The following SYNE2 variants were observed in gnomAD, a reference collection of about 807,000 sequenced individuals.
SYNE2 encodes nesprin-2.
Under a neutral mutation model 856.3 loss-of-function variants are expected in SYNE2, and 431 were observed. That is an observed-to-expected ratio of 0.50 (90% CI 0.47 to 0.55). The LOEUF (loss-of-function observed/expected upper bound fraction) is 0.55, where lower values mean the gene tolerates loss of function less well. SYNE2 is among the 20% of genes least tolerant of loss of function. The pLI is 0.00. For missense variants in SYNE2, 8,129 were observed against 8,023.2 expected (o/e 1.01, Z -0.50); for synonymous variants, 2,923 against 2,872.3 (o/e 1.02, Z -0.56).
At chr14:64,034,272 A>G (rs986222274) in intron 45 of SYNE2, among the ~76,000 whole-genome samples, 5 of 152,194 alleles carry the variant, frequency 3.3e-5, no homozygotes, top group African/African-American at 1.2e-4. Context: ...TAAAAACACT[A>G]CTTGAGACTT....
intron 6 of SYNE2, among the ~76,000 whole-genome samples, chr14:63,948,712 ATATATGTGTG>A (rs2096078248): frequency 1.2e-5 from 1 of 84,466 alleles, no homozygotes; most frequent in Non-Finnish European, 2.7e-5. Context: ...ATATGTATAT[ATATATGTGTG>A]TATATATATG....
Position 64,167,229 on chromosome 14 carries a change from A to G in SYNE2, c.16606-4A>G. 6.2e-7 allele frequency: 1 copy of G among 1,614,160 alleles called. No individual in the cohort carries two copies. Among genetic ancestry groups the G allele is most frequent in the Non-Finnish European group, 8.5e-7 (1 of 1,180,038 alleles). ...AAACCTGTACTTCAATTTTTTAAAA[A>G]TAGAATCATGTGCTGGCACTGACAG... is the stretch of plus-strand genomic sequence containing the variant. On this transcript the variant is annotated splice_polypyrimidine_tract_variant and splice_region_variant and intron_variant, in intron 90 of 115. Coordinates refer to ENST00000555002, the MANE Select transcript of SYNE2 (RefSeq NM_182914.3).
At chr14:63,878,476 G>C (rs1479569856) in intron 1 of SYNE2, among the ~76,000 whole-genome samples, 2 of 152,210 alleles carry the variant, frequency 1.3e-5, no homozygotes, top group African/African-American at 4.8e-5. Flanking sequence ...TTGCTGACAG[G>C]CATTCTCCCT....
At chr14:64,129,347 G>T (rs1567391284) in intron 74 of SYNE2, among the ~76,000 whole-genome samples, 1 of 152,158 alleles carries the variant, frequency 6.6e-6, no homozygotes, top group Non-Finnish European at 1.5e-5. Context: ...TTTAAGGATG[G>T]ACCCAGCAGC....
At chr14:64,063,354 A>G (rs754208416) in intron 50 of SYNE2, among the ~76,000 whole-genome samples, 13 of 152,270 alleles carry the variant, frequency 8.5e-5, no homozygotes, top group Admixed American at 2.0e-4. Context: ...GGCCTTATGT[A>G]ATATATTGAA....
Position 64,044,983 on chromosome 14 carries a change from T to C in SYNE2, c.7222-3017T>C, listed in dbSNP as rs114845184. Among the ~76,000 whole-genome samples the C allele has an allele frequency of 7.9e-3, 1,208 of 152,282 alleles. 14 individuals carry two copies. Among genetic ancestry groups the C allele is most frequent in the African/African-American group, 0.027 (1,110 of 41,538 alleles). ...ATATTTTATATTTTAAAATAAAATG[T>C]TTAAAATGAATGTGCAGAGTAAAAA... On this transcript the variant is annotated intron_variant, in intron 45 of 115. Transcript: ENST00000555002.
At chr14:63,791,543 A>G (rs963182991) in intron 1 of SYNE2, among the ~76,000 whole-genome samples, 3 of 152,210 alleles carry the variant, frequency 2.0e-5, no homozygotes, top group Admixed American at 1.3e-4. Flanking sequence ...AGTATATCAT[A>G]GCAAATTTGC....
chr14:64,085,155 C>T lies in SYNE2; in HGVS notation c.11485-2516C>T, dbSNP rs2097551275. 1.0e-5 allele frequency: 6 copies of T among 584,156 alleles called. No individual in the cohort carries two copies. The South Asian group carries it at 1.1e-4, about 11-fold the overall frequency. 36.2% of individuals were successfully genotyped at this position (584,156 alleles called of 1,614,324 possible). A position where few individuals can be genotyped will look rare whatever the true frequency, so the allele number is the denominator to read the frequency against. On this transcript the variant is annotated intron_variant, in intron 57 of 115. Transcript: ENST00000555002. ...TGGCACAATGTCGGCTCACTGCAGC[C>T]TCCACCTTCTGAGTTCAAATGTTCC...
chr14:64,101,093 T>C (rs75155437), intron 63 of SYNE2, among the ~76,000 whole-genome samples: 6,023 of 152,292 alleles, frequency 0.04, 368 homozygotes, highest in African/African-American at 0.14. Context: ...TTGGTTGTTG[T>C]GAACAGTGCT....
At chr14:64,149,900 G>A (rs1480492347) in intron 84 of SYNE2, among the ~76,000 whole-genome samples, 1 of 151,746 alleles carries the variant, frequency 6.6e-6, no homozygotes, top group Non-Finnish European at 1.5e-5. Context: ...CAGATGACAG[G>A]ACTACTGGGC....
At chr14:63,945,247 C>A (rs543003280) in intron 6 of SYNE2, among the ~76,000 whole-genome samples, 1 of 151,848 alleles carries the variant, frequency 6.6e-6, no homozygotes, top group African/African-American at 2.4e-5. Context: ...CATATAATCA[C>A]CCTGCCAGAT....
rs568820093 is a variant in SYNE2 at position 64,159,384 on chromosome 14, G to A, written c.16036G>A (p.Gly5346Ser). ...CCAGGAGGTTATCGGCAAACTCAAA[G>A]GTCTCTGCCCCTCTGTTGCTGAAAT... ...KLQEVIGKLKGLCPSVAEIIE... is the reference protein window; with the variant it reads ...KLQEVIGKLKSLCPSVAEIIE... The change falls in exon 87 of 116, where the codon GGT becomes AGT. Residue 5346 changes from glycine (G) to serine (S), a missense_variant. By Grantham distance (56) the Gly-to-Ser change is moderately conservative. Coordinates refer to ENST00000555002, the MANE Select transcript of SYNE2 (RefSeq NM_182914.3). 3.1e-6 allele frequency: 5 copies of A among 1,613,950 alleles called. No homozygotes were observed. In the East Asian group the frequency reaches 8.9e-5, roughly 29 times the overall value.
At chr14:64,178,583 C>T (rs553183593) in intron 96 of SYNE2, among the ~76,000 whole-genome samples, 16 of 152,244 alleles carry the variant, frequency 1.1e-4, no homozygotes, top group Admixed American at 3.3e-4. Flanking sequence ...TCAGCCCCCC[C>T]GAGTAGCCCA....
At chr14:64,070,175 G>A (rs2097394239) in intron 51 of SYNE2, among the ~76,000 whole-genome samples, 1 of 152,182 alleles carries the variant, frequency 6.6e-6, no homozygotes, top group Non-Finnish European at 1.5e-5. Context: ...CTTTACCTTT[G>A]TTGTGTGTCA....
At chr14:64,073,920 T>G (rs776992263) in intron 52 of SYNE2, 48 bp from the exon 53 acceptor site, 1 of 1,588,830 alleles carries the variant, frequency 6.3e-7, no homozygotes, top group Non-Finnish European at 8.6e-7. Context: ...ATTTTATTCA[T>G]AGAAGAGCAG....
chr14:63,905,194 C>T (rs2095392714), intron 1 of SYNE2, among the ~76,000 whole-genome samples: 2 of 152,140 alleles, frequency 1.3e-5, no homozygotes, highest in South Asian at 2.1e-4. Flanking sequence ...CAGTACCATA[C>T]TGTTTTGGTT....
At chr14:64,173,868 T>C in intron 94 of SYNE2, 1 of 650,056 alleles carries the variant, frequency 1.5e-6, no homozygotes, top group Non-Finnish European at 2.7e-6. Context: ...TATTTTTGTA[T>C]TATAAATACC....
At chr14:64,019,272 C>CAA (rs5809210) in intron 34 of SYNE2, among the ~76,000 whole-genome samples, 5,136 of 142,962 alleles carry the variant, frequency 0.036, 129 homozygotes, top group Non-Finnish European at 0.054. Flanking sequence ...GACTCCGTCT[C>CAA]AAAAAAAAAA....
At chr14:63,913,466 C>CTTTTT (rs200165004) in intron 2 of SYNE2, among the ~76,000 whole-genome samples, 1 of 139,600 alleles carries the variant, frequency 7.2e-6, no homozygotes. Context: ...TTCTTTCTTT[C>CTTTTT]TTTTTTTTTT....
Sources: allele counts gnomAD v4.1 joint callset (sites outside exome capture counted in the v4.1 genomes callset), GRCh38; gene constraint gnomAD v4.1.1; transcripts MANE v1.5; gene names NCBI Gene and HGNC (gene_info 2026-07-23, HGNC 2026-07-21).